The following CNNM2 variants were observed in gnomAD, a reference collection of about 807,000 sequenced individuals.
The protein encoded by CNNM2 is metal transporter CNNM2.
A neutral mutation model predicts 66.9 loss-of-function variants in CNNM2; 12 were observed. The observed-to-expected ratio is 0.18, with a 90% CI of 0.11 to 0.29. The LOEUF is 0.29. CNNM2 is among the 10% of genes least tolerant of loss of function. CNNM2 has a pLI of 1.00. For missense variants in CNNM2, 705 were observed against 1,167.7 expected (o/e 0.60, Z 5.77); for synonymous variants, 557 against 501.8 (o/e 1.11, Z -1.47).
In CNNM2 at chr10:103,081,395, G is replaced by A. The variant is rs1180495787; in HGVS notation, c.*4215G>A. 6.6e-6 allele frequency: 1 copy of A among 152,216 alleles called. No homozygotes were observed. Among genetic ancestry groups the A allele is most frequent in the African/African-American group, 2.4e-5 (1 of 41,434 alleles). The allele number at this position is 152,216 out of a possible 1,614,324, so 9.4% of individuals were successfully genotyped here. A position where few individuals can be genotyped will look rare whatever the true frequency, so the allele number is the denominator to read the frequency against. On this transcript the variant is annotated 3_prime_UTR_variant, in exon 8 of 8. Coordinates refer to ENST00000369878, the MANE Select transcript of CNNM2 (RefSeq NM_017649.5). ...GCTTCTGTCCATCAAGGGTATCTGG[G>A]TGAGTTGTAGGTTAACCCAGAATTT...
At chr10:103,067,071 T>C (rs1427176339) in intron 4 of CNNM2, among the ~76,000 whole-genome samples, 1 of 152,068 alleles carries the variant, frequency 6.6e-6, no homozygotes, top group African/African-American at 2.4e-5. Context: ...TATAAAATGA[T>C]AGTTTGCATC....
At chr10:102,932,916 CAAAAAAA>C (rs71019636) in intron 1 of CNNM2, among the ~76,000 whole-genome samples, 28 of 70,684 alleles carry the variant, frequency 4.0e-4, no homozygotes, top group Middle Eastern at 0.016. Context: ...GACTCTGTCT[CAAAAAAA>C]AAAAAAAAAA....
intron 1 of CNNM2, among the ~76,000 whole-genome samples, chr10:102,960,510 C>A (rs933257291): frequency 4.6e-5 from 7 of 152,092 alleles, no homozygotes; most frequent in Admixed American, 4.6e-4. Context: ...ATCTTTTTTC[C>A]TCCAGTGCGT....
At chr10:103,006,062 A>C (rs574604668) in intron 1 of CNNM2, among the ~76,000 whole-genome samples, 3 of 151,966 alleles carry the variant, frequency 2.0e-5, no homozygotes, top group South Asian at 4.2e-4. Flanking sequence ...TTCCGAGGTT[A>C]TTTCTTTCTC....
chr10:102,925,413 C>T (rs571577419), intron 1 of CNNM2, among the ~76,000 whole-genome samples: 3 of 148,122 alleles, frequency 2.0e-5, no homozygotes, highest in South Asian at 2.2e-4. Context: ...GAATCCATGT[C>T]GTTTACAGTT....
intron 1 of CNNM2, among the ~76,000 whole-genome samples, chr10:102,928,888 C>G (rs1417051842): frequency 6.6e-6 from 1 of 152,206 alleles, no homozygotes; most frequent in Non-Finnish European, 1.5e-5. Flanking sequence ...CTTGGTCATT[C>G]TCTTGACTGG....
At position 102,969,492 on chromosome 10, in the gene CNNM2, G is replaced by A. The variant is rs11191484; in HGVS notation, c.1621+49391G>A. Among the ~76,000 whole-genome samples the A allele has an allele frequency of 0.091, 13,776 of 151,056 alleles. 843 individuals carry two copies. The highest frequency in any genetic ancestry group is 0.28 in the East Asian group (1,424 of 5,054). Reference sequence around the variant, plus strand: ...CTCCCAAAGTGCTGGGATTACAGGCGTGAGCCACCATGCCCAGCCAGTAGT... The same window carrying A: ...CTCCCAAAGTGCTGGGATTACAGGCATGAGCCACCATGCCCAGCCAGTAGT... On this transcript the variant is annotated intron_variant, in intron 1 of 7. Coordinates refer to ENST00000369878, the MANE Select transcript of CNNM2 (RefSeq NM_017649.5).
chr10:102,926,222 T>A (rs1845854796), intron 1 of CNNM2, among the ~76,000 whole-genome samples: 1 of 152,180 alleles, frequency 6.6e-6, no homozygotes, highest in African/African-American at 2.4e-5. Flanking sequence ...ATAAGTGAAA[T>A]TCTCACAGAG....
chr10:102,989,867 G>C (rs1413326759), intron 1 of CNNM2, among the ~76,000 whole-genome samples: 2 of 151,800 alleles, frequency 1.3e-5, no homozygotes, highest in African/African-American at 4.8e-5. Context: ...AGGGCTTCTA[G>C]TTCTTTAAAG....
chr10:103,006,205 CTTTT>C (rs1171155850), intron 1 of CNNM2, among the ~76,000 whole-genome samples: 2 of 150,810 alleles, frequency 1.3e-5, no homozygotes, highest in Non-Finnish European at 3.0e-5. Context: ...GATTTATTTT[CTTTT>C]TTCTTTTTTT....
chr10:103,028,619 A>G (rs965067430), intron 1 of CNNM2, among the ~76,000 whole-genome samples: 1 of 152,156 alleles, frequency 6.6e-6, no homozygotes, highest in Admixed American at 6.5e-5. Flanking sequence ...AGGTAACAAC[A>G]GTTGGTCATT....
chr10:103,040,954 T>G (rs2065029782), intron 1 of CNNM2, among the ~76,000 whole-genome samples: 1 of 152,190 alleles, frequency 6.6e-6, no homozygotes. Flanking sequence ...TCTCTTATTC[T>G]GAAGTTGTGC....
intron 1 of CNNM2, among the ~76,000 whole-genome samples, chr10:102,939,238 G>A (rs1846343702): frequency 6.6e-6 from 1 of 152,200 alleles, no homozygotes; most frequent in African/African-American, 2.4e-5. Context: ...CTTCAGTGCA[G>A]GATCAGAGGC....
At chr10:102,946,663 A>G (rs564758755) in intron 1 of CNNM2, among the ~76,000 whole-genome samples, 1 of 152,282 alleles carries the variant, frequency 6.6e-6, no homozygotes, top group Non-Finnish European at 1.5e-5. Context: ...GGGGAAGTAC[A>G]TTAATAATTG....
chr10:103,068,085 G>A (rs759238278), intron 4 of CNNM2, among the ~76,000 whole-genome samples: 1 of 152,144 alleles, frequency 6.6e-6, no homozygotes, highest in African/African-American at 2.4e-5. Context: ...GGCAGCCATC[G>A]CCCAGCATCA....
intron 1 of CNNM2, among the ~76,000 whole-genome samples, chr10:102,980,571 G>A (rs1564830272): frequency 6.6e-6 from 1 of 152,052 alleles, no homozygotes; most frequent in East Asian, 1.9e-4. Flanking sequence ...GCCCAACCCA[G>A]TTTTAGATCT....
intron 1 of CNNM2, among the ~76,000 whole-genome samples, chr10:102,972,215 A>AT (rs1362129902): frequency 2.0e-5 from 3 of 152,216 alleles, no homozygotes; most frequent in Non-Finnish European, 2.9e-5. Context: ...TCATGACTGC[A>AT]TCAGAATAAT....
chr10:103,073,650 A>G (rs891822424), intron 6 of CNNM2, among the ~76,000 whole-genome samples: 2 of 151,986 alleles, frequency 1.3e-5, no homozygotes, highest in East Asian at 3.9e-4. Context: ...TCATGAGGTC[A>G]GGAGATCGAG....
intron 1 of CNNM2, among the ~76,000 whole-genome samples, chr10:102,982,910 A>C (rs1370869825): frequency 6.6e-6 from 1 of 152,244 alleles, no homozygotes; most frequent in Non-Finnish European, 1.5e-5. Flanking sequence ...ATTAACATTA[A>C]TTAAACTAAT....
Sources: allele counts gnomAD v4.1 joint callset (sites outside exome capture counted in the v4.1 genomes callset), GRCh38; gene constraint gnomAD v4.1.1; transcripts MANE v1.5; gene names NCBI Gene and HGNC (gene_info 2026-07-23, HGNC 2026-07-21).